GPT2: variants seen among roughly 807,000 people sequenced by gnomAD.
GPT2 encodes the protein alanine aminotransferase 2.
In GPT2, 30 loss-of-function variants were observed where a neutral mutation model predicts 56.9. That is an observed-to-expected ratio of 0.53 (90% confidence interval 0.39 to 0.72). The LOEUF (loss-of-function observed/expected upper bound fraction) is 0.72. GPT2 is among the 30% of genes least tolerant of loss of function. The pLI is 0.00. For synonymous variants in GPT2, 271 were observed against 283.1 expected, an observed-to-expected ratio of 0.96 and a Z score of 0.43; for missense variants, 542 against 703.4, an observed-to-expected ratio of 0.77 and a Z score of 2.60.
intron 2 of GPT2, among the ~76,000 whole-genome samples, chr16:46,897,109 G>A (rs556957666): frequency 6.6e-6 from 1 of 152,250 alleles, no homozygotes; most frequent in African/African-American, 2.4e-5. Flanking sequence ...TTGGTCAGGC[G>A]CAATGGCTCA....
At chr16:46,908,585 G>A (rs1310857229) in intron 5 of GPT2, among the ~76,000 whole-genome samples, 2 of 152,088 alleles carry the variant, frequency 1.3e-5, no homozygotes, top group Non-Finnish European at 2.9e-5. Flanking sequence ...TTTCTTACAC[G>A]TTAAGCTCTT....
At chr16:46,918,584 G>C in intron 7 of GPT2, 37 bp from the exon 8 acceptor site, 1 of 1,609,010 alleles carries the variant, frequency 6.2e-7, no homozygotes, top group Non-Finnish European at 8.5e-7. Flanking sequence ...GCCTCTTTGA[G>C]GACCCTTTGG....
rs1370931476 is a variant in GPT2, at chr16:46,929,035, C to G, written c.*38C>G. 6.5e-7 allele frequency: 1 copy of G among 1,530,798 alleles called. No homozygotes were observed. Among genetic ancestry groups the G allele is most frequent in the South Asian group, 1.1e-5 (1 of 89,226 alleles). The allele number at this position is 1,530,798 out of a possible 1,614,324, so 94.8% of individuals were successfully genotyped here. A position where few individuals can be genotyped will look rare whatever the true frequency, so the allele number is the denominator to read the frequency against. ...CCCAGCGGGAGACCTGTCCTTGGCT[C>G]TTCCTCCCAATGCCCGTCAGGCTGA... On this transcript the variant is annotated 3_prime_UTR_variant, in exon 12 of 12. Transcript: ENST00000340124.
chr16:46,885,030 G>C, intron 2 of GPT2, 72 bp downstream of exon 2: 3 of 1,388,832 alleles, frequency 2.2e-6, no homozygotes, highest in Non-Finnish European at 2.8e-6. Flanking sequence ...CCCCAGCTGG[G>C]GTCCTTCCCA....
chr16:46,920,652 C>T (rs1022763109), intron 8 of GPT2, among the ~76,000 whole-genome samples: 4 of 152,206 alleles, frequency 2.6e-5, no homozygotes, highest in Admixed American at 1.3e-4. Context: ...GGAATACTTC[C>T]GCCAGGTCAA....
At chr16:46,899,024 TATATATATATA>T (rs1287190669) in intron 3 of GPT2, among the ~76,000 whole-genome samples, 6 of 85,726 alleles carry the variant, frequency 7.0e-5, no homozygotes, top group East Asian at 2.8e-4. Context: ...TATATATATA[TATATATATATA>T]TTTTTTTTTT....
chr16:46,891,116 A>G (rs964271378), intron 2 of GPT2, among the ~76,000 whole-genome samples: 3 of 151,542 alleles, frequency 2.0e-5, no homozygotes. Context: ...CAGGTGATCC[A>G]CCCGCCATGG....
In GPT2 at chr16:46,884,778, C is replaced by T. The variant is rs1960448747; in HGVS notation, c.63C>T (p.Gly21=). 5 of 1,508,812 alleles carry T rather than the reference C, an allele frequency of 3.3e-6. No individual in the cohort carries two copies. The highest frequency in any genetic ancestry group is 2.2e-5 in the Admixed American group (1 of 45,354). The allele number at this position is 1,508,812 out of a possible 1,614,324, so 93.5% of individuals were successfully genotyped here. ...GTCCCCGGACCCCCAGCTCCTGGGG[C>T]CGCAGCCAGAGCAGCGCGGCCGCCG... ...GCGPRTPSSW[G]RSQSSAAAEA... Residue 21 remains glycine (G), a synonymous_variant, in exon 2 of 12, where the codon GGC becomes GGT. Transcript: ENST00000340124.
chr16:46,886,280 C>T (rs1039439163), intron 2 of GPT2, among the ~76,000 whole-genome samples: 7 of 152,206 alleles, frequency 4.6e-5, no homozygotes, highest in African/African-American at 1.7e-4. Context: ...AACAGCCTCC[C>T]TGCTAAAACA....
At chr16:46,927,149 C>G in intron 11 of GPT2, 112 bp downstream of exon 11, 1 of 614,602 alleles carries the variant, frequency 1.6e-6, no homozygotes, top group South Asian at 2.5e-5. Flanking sequence ...GAGACCCTGT[C>G]CTCTCTCGAG....
intron 5 of GPT2, 97 bp downstream of exon 5, chr16:46,907,072 G>A (rs991540981): frequency 2.4e-5 from 38 of 1,558,960 alleles, no homozygotes; most frequent in Non-Finnish European, 2.3e-5. Context: ...TAGCAGGGAG[G>A]GTGGCAGCAC....
chr16:46,912,754 G>A (rs973716942), intron 6 of GPT2, among the ~76,000 whole-genome samples: 1 of 152,156 alleles, frequency 6.6e-6, no homozygotes, highest in African/African-American at 2.4e-5. Flanking sequence ...GAATCAGGGC[G>A]GGGCAGGGGA....
intron 4 of GPT2, among the ~76,000 whole-genome samples, chr16:46,904,415 A>G (rs1567337070): frequency 1.3e-5 from 2 of 152,252 alleles, no homozygotes; most frequent in Non-Finnish European, 2.9e-5. Flanking sequence ...TGTCTCTTAA[A>G]TAAACTAATA....
intron 10 of GPT2, among the ~76,000 whole-genome samples, chr16:46,924,927 T>C (rs944745407): frequency 6.6e-6 from 1 of 151,964 alleles, no homozygotes; most frequent in Non-Finnish European, 1.5e-5. Context: ...CTAGGGCCTT[T>C]TTTTTTTTCC....
At chr16:46,890,678 CAGTG>C (rs1960568490) in intron 2 of GPT2, among the ~76,000 whole-genome samples, 1 of 152,142 alleles carries the variant, frequency 6.6e-6, no homozygotes, top group Non-Finnish European at 1.5e-5. Context: ...TCAAGGGACA[CAGTG>C]TGGTGGTTTA....
Position 46,907,119 on chromosome 16 carries a change from T to C in GPT2, c.576+144T>C. On this transcript the variant is annotated intron_variant, in intron 5 of 11. Transcript: ENST00000340124. ...CTCTGGTCCCCCAGCCCTGGCAGCC[T>C]GCAGTCTTTGCCTCTTTTAGTCTTC... 3.0e-6 allele frequency: 3 copies of C among 1,016,818 alleles called. No individual in the cohort carries two copies. The East Asian group carries it at 7.6e-5, about 26-fold the overall frequency. The allele number at this position is 1,016,818 out of a possible 1,614,324, so 63.0% of individuals were successfully genotyped here.
At chr16:46,898,890 G>A (rs76942362) in intron 3 of GPT2, among the ~76,000 whole-genome samples, 20 of 119,928 alleles carry the variant, frequency 1.7e-4, no homozygotes, top group African/African-American at 5.3e-4. Flanking sequence ...ATATATATAC[G>A]TATATATATA....
intron 4 of GPT2, among the ~76,000 whole-genome samples, chr16:46,902,477 G>C (rs542751561): frequency 6.6e-6 from 1 of 152,124 alleles, no homozygotes; most frequent in Admixed American, 6.5e-5. Context: ...TAGTGGTGTC[G>C]CTCTCTGTCA....
intron 3 of GPT2, among the ~76,000 whole-genome samples, chr16:46,898,478 C>T (rs1284015432): frequency 6.6e-6 from 1 of 152,156 alleles, no homozygotes; most frequent in Non-Finnish European, 1.5e-5. Flanking sequence ...AGGACAGAGG[C>T]GGGAGACCCA....
Sources: gnomAD v4.1 joint callset for allele counts (sites outside exome capture counted in the v4.1 genomes callset) on GRCh38, gnomAD v4.1.1 for gene constraint, MANE v1.5 for transcripts, NCBI Gene and HGNC (gene_info 2026-07-23, HGNC 2026-07-21) for gene names.